Variants in DEPTOR observed in about 807,000 individuals in gnomAD.
The protein encoded by DEPTOR is DEP domain containing MTOR interacting protein.
In DEPTOR, 41 loss-of-function variants were observed where a neutral mutation model predicts 41.6. The ratio of observed to expected loss-of-function variants is 0.98; its 90% CI spans 0.77 to 1.28. The LOEUF is 1.28. DEPTOR is among the 50% of genes most tolerant of loss of function. The pLI, the probability that DEPTOR is intolerant of heterozygous loss-of-function variation, is 0.00. For synonymous variants in DEPTOR, 195 were observed against 192.3 expected, an observed-to-expected ratio of 1.01 and a Z score of -0.12; for missense variants, 514 against 527.9, an observed-to-expected ratio of 0.97 and a Z score of 0.26.
chr8:120,021,657 G>A (rs1468330227), intron 8 of DEPTOR, among the ~76,000 whole-genome samples: 1 of 152,122 alleles, frequency 6.6e-6, no homozygotes, highest in East Asian at 1.9e-4. Flanking sequence ...CCATATTGCA[G>A]TATACTATTC....
intron 6 of DEPTOR, among the ~76,000 whole-genome samples, chr8:120,003,605 C>T (rs1169990135): frequency 6.7e-6 from 1 of 149,096 alleles, no homozygotes; most frequent in Non-Finnish European, 1.5e-5. Flanking sequence ...AACAGCACTT[C>T]CCCAGAATGC....
chr8:119,874,088 G>A, intron 1 of DEPTOR, 120 bp downstream of exon 1: 2 of 1,531,574 alleles, frequency 1.3e-6, no homozygotes, highest in Non-Finnish European at 1.8e-6. Context: ...CGCCGGAACG[G>A]CTGCGGGCGC....
chr8:120,001,530 A>G lies in DEPTOR; in HGVS notation c.610A>G (p.Asn204Asp). The G allele has an allele frequency of 1.2e-6, 2 of 1,607,124 alleles. No homozygotes were observed. The highest frequency in any genetic ancestry group is 1.7e-6 in the Non-Finnish European group (2 of 1,176,632). The change falls in exon 5 of 9, where the codon AAC becomes GAC. Residue 204 changes from asparagine (N) to aspartate (D), a missense_variant. Coordinates refer to ENST00000286234, the MANE Select transcript of DEPTOR (RefSeq NM_022783.4). ...MEHGIIQHVS[N>D]KHPFVDSNLL... ...GTTTTTTTTTTTCTCCCCAGTGTCC[A>G]ACAAGCACCCATTTGTGGACAGCAA...
intron 3 of DEPTOR, among the ~76,000 whole-genome samples, chr8:119,956,727 G>GTTTT (rs1410547306): frequency 2.7e-4 from 22 of 80,628 alleles, no homozygotes; most frequent in Non-Finnish European, 3.0e-4. Context: ...AGGGTTTTTT[G>GTTTT]TTTTTTTTTT....
chr8:120,003,069 A>C lies in DEPTOR; in HGVS notation c.883A>C (p.Thr295Pro), dbSNP rs1015959976. ...CAGCGGCTACTTCAGCAGCAGCCCCACCCTCAGCAGCAGCCCCCCTGTGCT... is the reference window on the plus strand; with the variant it reads ...CAGCGGCTACTTCAGCAGCAGCCCCCCCCTCAGCAGCAGCCCCCCTGTGCT... Reference protein sequence around the residue: ...GSSGYFSSSPTLSSSPPVLCN... With the variant: ...GSSGYFSSSPPLSSSPPVLCN... Residue 295 changes from threonine to proline, a missense_variant, in exon 6 of 9, where the codon ACC becomes CCC. Transcript: ENST00000286234. 1.2e-6 allele frequency: 2 copies of C among 1,612,914 alleles called. No individual in the cohort carries two copies. Among genetic ancestry groups the C allele is most frequent in the East Asian group, 2.2e-5 (1 of 44,792 alleles).
intron 8 of DEPTOR, among the ~76,000 whole-genome samples, chr8:120,041,754 T>C (rs1586670876): frequency 6.6e-6 from 1 of 152,202 alleles, no homozygotes; most frequent in Non-Finnish European, 1.5e-5. Flanking sequence ...GCCAGGCTGG[T>C]CTTGAACTCA....
chr8:120,000,951 C>A (rs574756647), intron 4 of DEPTOR, among the ~76,000 whole-genome samples: 1 of 151,924 alleles, frequency 6.6e-6, no homozygotes, highest in South Asian at 2.1e-4. Flanking sequence ...GTGGTGGGCA[C>A]CTGTAATCCC....
chr8:119,941,256 C>T (rs1315624893), intron 3 of DEPTOR, among the ~76,000 whole-genome samples: 1 of 151,032 alleles, frequency 6.6e-6, no homozygotes, highest in Non-Finnish European at 1.5e-5. Flanking sequence ...GCTTGTAATC[C>T]CAGTTTCTTG....
chr8:120,041,328 C>G (rs1000452073), intron 8 of DEPTOR, among the ~76,000 whole-genome samples: 1 of 152,182 alleles, frequency 6.6e-6, no homozygotes, highest in Non-Finnish European at 1.5e-5. Context: ...CATGGGCACT[C>G]AGTCTATCCA....
In DEPTOR at chr8:119,928,516, C is replaced by T; in HGVS notation, c.239C>T (p.Ser80Phe). The change falls in exon 2 of 9, where the codon TCT becomes TTT. Residue 80 changes from serine (S) to phenylalanine (F), a missense_variant. Coordinates refer to ENST00000286234, the MANE Select transcript of DEPTOR (RefSeq NM_022783.4). ...TGGCTGATTGAACACAAAGAGGCTT[C>T]TGACAGAGAGACGGCAATTAAACTC... is the stretch of plus-strand genomic sequence containing the variant. Reference protein sequence around the residue: ...IDWLIEHKEASDRETAIKLMQ... With the variant: ...IDWLIEHKEAFDRETAIKLMQ... The T allele has an allele frequency of 6.2e-7, 1 of 1,614,174 alleles. No individual in the cohort carries two copies. Among genetic ancestry groups the T allele is most frequent in the South Asian group, 1.1e-5 (1 of 91,074 alleles).
intron 8 of DEPTOR, among the ~76,000 whole-genome samples, chr8:120,040,776 T>A (rs1307747687): frequency 6.6e-6 from 1 of 152,172 alleles, no homozygotes; most frequent in Non-Finnish European, 1.5e-5. Flanking sequence ...GGATACCTAG[T>A]AGGGACGTGT....
At chr8:119,991,036 TTCTTTCTTTCTTTCTTTCTTTC>T (rs1389232807) in intron 4 of DEPTOR, among the ~76,000 whole-genome samples, 1 of 93,596 alleles carries the variant, frequency 1.1e-5, no homozygotes, top group African/African-American at 5.2e-5. Context: ...TTTCTTTTCT[TTCTTTCTTTCTTTCTTTCTTTC>T]TTTCTTTCTT....
At chr8:120,008,110 C>G (rs1337548991) in intron 7 of DEPTOR, among the ~76,000 whole-genome samples, 1 of 152,148 alleles carries the variant, frequency 6.6e-6, no homozygotes, top group African/African-American at 2.4e-5. Context: ...ATAGAAAAGG[C>G]CTTCTCTAAT....
chr8:120,022,414 A>T (rs1445571994), intron 8 of DEPTOR, among the ~76,000 whole-genome samples: 4 of 152,166 alleles, frequency 2.6e-5, no homozygotes, highest in Non-Finnish European at 5.9e-5. Flanking sequence ...TTTTTTAAAC[A>T]TCTTGGTACA....
chr8:119,930,631 G>A (rs1828030481), intron 3 of DEPTOR, among the ~76,000 whole-genome samples: 1 of 152,292 alleles, frequency 6.6e-6, no homozygotes, highest in South Asian at 2.1e-4. Flanking sequence ...GAATTGGTCA[G>A]GCCAGGAGAT....
intron 3 of DEPTOR, among the ~76,000 whole-genome samples, chr8:119,954,982 T>C (rs1296706935): frequency 6.6e-6 from 1 of 151,840 alleles, no homozygotes; most frequent in African/African-American, 2.4e-5. Context: ...CCTCAGCCTC[T>C]TGAGTAGCTG....
At chr8:120,030,504 T>TTTTTTTTTTTTTTTTTTTTTTTG (rs1812873505) in intron 8 of DEPTOR, among the ~76,000 whole-genome samples, 1 of 111,928 alleles carries the variant, frequency 8.9e-6, no homozygotes, top group Non-Finnish European at 1.8e-5. Flanking sequence ...TCAGTTTTTT[T>TTTTTTTTTTTTTTTTTTTTTTTG]TTTTTTTTTT....
chr8:120,048,159 G>A (rs1054046175), intron 8 of DEPTOR, among the ~76,000 whole-genome samples: 3 of 152,152 alleles, frequency 2.0e-5, no homozygotes, highest in Non-Finnish European at 2.9e-5. Context: ...CCTCTTATTT[G>A]GCAGTGCAAA....
At chr8:119,938,601 C>T (rs897608014) in intron 3 of DEPTOR, among the ~76,000 whole-genome samples, 1 of 152,110 alleles carries the variant, frequency 6.6e-6, no homozygotes, top group Non-Finnish European at 1.5e-5. Flanking sequence ...CAATCTCTGC[C>T]TCCTGGGTTC....
Sources: allele counts gnomAD v4.1 joint callset (sites outside exome capture counted in the v4.1 genomes callset), GRCh38; gene constraint gnomAD v4.1.1; transcripts MANE v1.5; gene names NCBI Gene and HGNC (gene_info 2026-07-23, HGNC 2026-07-21).